The following FAM53B variants were observed in gnomAD, a reference collection of about 807,000 sequenced individuals.
FAM53B encodes family with sequence similarity 53 member B, also known as protein FAM53B.
In FAM53B, 12 loss-of-function variants were observed where a neutral mutation model predicts 32.7. The ratio of observed to expected loss-of-function variants is 0.37; its 90% CI spans 0.24 to 0.59. The LOEUF is 0.59. FAM53B is among the 20% of genes least tolerant of loss of function. The pLI is 0.72. For missense variants in FAM53B, 477 were observed against 577.7 expected, an observed-to-expected ratio of 0.83 and a Z score of 1.79; for synonymous variants, 234 against 228.7, an observed-to-expected ratio of 1.02 and a Z score of -0.21.
chr10:124,647,591 G>A (rs1337796283), intron 4 of FAM53B, among the ~76,000 whole-genome samples: 1 of 152,242 alleles, frequency 6.6e-6, no homozygotes, highest in Non-Finnish European at 1.5e-5. Flanking sequence ...ATGCACTCGT[G>A]TGGCAGCTGA....
rs7917674 is a variant in FAM53B, at chr10:124,651,698, C to A, written c.907-28094G>T. ...AGCTGACTTCCGACCCTGGGGCCTG[C>A]CTGCTCTGGAGGGTCAAGGTCAGCA... On this transcript the variant is annotated intron_variant, in intron 4 of 4. Coordinates refer to ENST00000337318, the MANE Select transcript of FAM53B (RefSeq NM_014661.4). This position sits in a 1 kb window ranked among gnomAD's most constrained non-coding sequence, Gnocchi z 5.2. 0.54 allele frequency among the ~76,000 whole-genome samples: 81,992 copies of A among 151,974 alleles called. 22,920 individuals are homozygous for A. Among genetic ancestry groups the A allele is most frequent in the Non-Finnish European group, 0.62 (42,328 of 67,936 alleles).
intron 1 of FAM53B, among the ~76,000 whole-genome samples, chr10:124,710,743 T>C: frequency 6.6e-6 from 1 of 152,208 alleles, no homozygotes. Context: ...ACTGAGCACC[T>C]ACTAGGTACC....
At chr10:124,630,854 A>C (rs150576643) in intron 4 of FAM53B, among the ~76,000 whole-genome samples, 108 of 152,360 alleles carry the variant, frequency 7.1e-4, no homozygotes, top group African/African-American at 2.5e-3. Flanking sequence ...TGCCAGCCAG[A>C]CTGTGGTCAC....
intron 4 of FAM53B, among the ~76,000 whole-genome samples, chr10:124,639,329 C>T (rs1374838956): frequency 6.6e-6 from 1 of 152,180 alleles, no homozygotes; most frequent in Non-Finnish European, 1.5e-5. Context: ...CAGGAGATCC[C>T]CAAGAGGGCT....
At chr10:124,713,061 C>T (rs866705263) in intron 1 of FAM53B, among the ~76,000 whole-genome samples, 35 of 152,202 alleles carry the variant, frequency 2.3e-4, no homozygotes, top group African/African-American at 7.7e-4. Context: ...GCCCCATGCC[C>T]AGAGCCCATC....
intron 1 of FAM53B, among the ~76,000 whole-genome samples, chr10:124,738,322 G>A (rs1445867945): frequency 6.6e-6 from 1 of 151,712 alleles, no homozygotes; most frequent in African/African-American, 2.4e-5. Flanking sequence ...CTCCAAGATT[G>A]TGATGTAATT....
intron 1 of FAM53B, among the ~76,000 whole-genome samples, chr10:124,709,994 A>T (rs1210805291): frequency 6.1e-5 from 9 of 147,460 alleles, no homozygotes; most frequent in South Asian, 2.1e-4. Context: ...TTTAGTTCTT[A>T]AAAAACAGGC....
At chr10:124,732,756 G>A (rs1950152371) in intron 1 of FAM53B, among the ~76,000 whole-genome samples, 1 of 152,000 alleles carries the variant, frequency 6.6e-6, no homozygotes, top group Non-Finnish European at 1.5e-5. Context: ...CTACTTGGGA[G>A]GCTGAGGTTG....
intron 2 of FAM53B, among the ~76,000 whole-genome samples, chr10:124,702,591 A>G (rs1302610653): frequency 6.6e-6 from 1 of 152,154 alleles, no homozygotes; most frequent in Non-Finnish European, 1.5e-5. Flanking sequence ...CCTGGACTTG[A>G]AATCTGTGAC....
intron 4 of FAM53B, among the ~76,000 whole-genome samples, chr10:124,647,750 T>C (rs567497209): frequency 1.0e-3 from 158 of 152,022 alleles, no homozygotes; most frequent in African/African-American, 3.7e-3. Context: ...CTCACTGAAG[T>C]GTTGAGGGCA....
At position 124,620,355 on chromosome 10, in the gene FAM53B, G is replaced by GCCCCCCCCCCCCCCCC. The variant is rs57254391; in HGVS notation, c.*2886_*2887insGGGGGGGGGGGGGGGG. On this transcript the variant is annotated 3_prime_UTR_variant, in exon 5 of 5. Coordinates refer to ENST00000337318, the MANE Select transcript of FAM53B (RefSeq NM_014661.4). ...ATGAGTGGGGTGCATGTGGCACTAA[G>GCCCCCCCCCCCCCCCC]CCCCCCCCACCGCCCCGGCTTTCCT... is the stretch of plus-strand genomic sequence containing the variant. 4 of 130,710 alleles carry GCCCCCCCCCCCCCCCC rather than the reference G, an allele frequency of 3.1e-5. No individual in the cohort carries two copies. Among genetic ancestry groups the GCCCCCCCCCCCCCCCC allele is most frequent in the African/African-American group, 8.8e-5 (3 of 33,938 alleles). 8.1% of individuals were successfully genotyped at this position (130,710 alleles called of 1,614,324 possible).
chr10:124,724,682 G>A lies in FAM53B; in HGVS notation c.-174-17795C>T, dbSNP rs527772221. ...GCATAAAGGTAGGAAGCTGCAAAACGGTTATTTCCATCCCCCAATATACCA... is the reference window on the plus strand; with the variant it reads ...GCATAAAGGTAGGAAGCTGCAAAACAGTTATTTCCATCCCCCAATATACCA... On this transcript the variant is annotated intron_variant, in intron 1 of 4. Transcript: ENST00000337318. 6.6e-5 allele frequency among the ~76,000 whole-genome samples: 10 copies of A among 152,272 alleles called. No homozygotes were observed. The East Asian group carries it at 9.6e-4, about 15-fold the overall frequency.
In FAM53B at chr10:124,692,359, C is replaced by T. The variant is rs532602456; in HGVS notation, c.133+3799G>A. On this transcript the variant is annotated intron_variant, in intron 3 of 4. Transcript: ENST00000337318. ...TAGGGGACAAGAGTGGGGAGGGGCC[C>T]GGTATCCAGCTTGCAATCACAGGGC... Among the ~76,000 whole-genome samples, 6 of 152,108 alleles carry T rather than the reference C, an allele frequency of 3.9e-5. No individual in the cohort carries two copies. The South Asian group carries it at 6.2e-4, about 16-fold the overall frequency.
At position 124,668,275 on chromosome 10, in the gene FAM53B, G is replaced by C. The variant is rs185781452; in HGVS notation, c.906+13332C>G. On this transcript the variant is annotated intron_variant, in intron 4 of 4. Coordinates refer to ENST00000337318, the MANE Select transcript of FAM53B (RefSeq NM_014661.4). ...CTCTCCCCAAACACACGGCCATCTCGCCCCTTGGCCTAAGCTGTTTCTGAG... is the reference window on the plus strand; with the variant it reads ...CTCTCCCCAAACACACGGCCATCTCCCCCCTTGGCCTAAGCTGTTTCTGAG... Among the ~76,000 whole-genome samples the C allele has an allele frequency of 2.0e-3, 306 of 152,280 alleles. 1 individual carries two copies. The highest frequency in any genetic ancestry group is 3.5e-3 in the Non-Finnish European group (238 of 68,024).
chr10:124,645,647 C>T (rs1003459460), intron 4 of FAM53B, among the ~76,000 whole-genome samples: 5 of 152,202 alleles, frequency 3.3e-5, no homozygotes, highest in Non-Finnish European at 7.3e-5. Flanking sequence ...TGGAAAGCAG[C>T]GACGCACACT....
chr10:124,710,487 C>T (rs1467775183), intron 1 of FAM53B, among the ~76,000 whole-genome samples: 3 of 152,254 alleles, frequency 2.0e-5, no homozygotes, highest in Non-Finnish European at 4.4e-5. Context: ...TGGGCCCTGG[C>T]CCGGCCAACT....
At chr10:124,701,368 C>T (rs979564659) in intron 2 of FAM53B, among the ~76,000 whole-genome samples, 7 of 152,212 alleles carry the variant, frequency 4.6e-5, no homozygotes, top group Admixed American at 2.0e-4. Flanking sequence ...CCAGATCAGC[C>T]CCTCCAAAGG....
intron 4 of FAM53B, among the ~76,000 whole-genome samples, chr10:124,645,022 ACAAGG>A (rs1256367700): frequency 1.3e-5 from 2 of 152,222 alleles, no homozygotes; most frequent in Non-Finnish European, 2.9e-5. Context: ...AAGCCAGGCC[ACAAGG>A]CAAGGGCGCC....
At position 124,651,937 on chromosome 10, in the gene FAM53B, T is replaced by G. The variant is rs1303916878; in HGVS notation, c.907-28333A>C. 6.6e-6 allele frequency among the ~76,000 whole-genome samples: 1 copy of G among 152,210 alleles called. No individual in the cohort carries two copies. The highest frequency in any genetic ancestry group is 1.5e-5 in the Non-Finnish European group (1 of 68,044). ...TTGTCCCCCATCTGTGAAGCATCTG[T>G]GGTCCACCAGGTGCTCTCCTGAGCA... is the stretch of plus-strand genomic sequence containing the variant. On this transcript the variant is annotated intron_variant, in intron 4 of 4. Transcript: ENST00000337318. This position sits in a 1 kb window ranked among gnomAD's most constrained non-coding sequence, Gnocchi z 5.2.
Sources: gnomAD v4.1 joint callset for allele counts (sites outside exome capture counted in the v4.1 genomes callset) on GRCh38, gnomAD v4.1.1 for gene constraint, Gnocchi (gnomAD v3.1) non-coding constraint, MANE v1.5 for transcripts, NCBI Gene and HGNC (gene_info 2026-07-23, HGNC 2026-07-21) for gene names.